The following TUSC3 variants were observed in gnomAD, a reference collection of about 807,000 sequenced individuals.
TUSC3 encodes tumor suppressor candidate 3, also known as dolichyl-diphosphooligosaccharide--protein glycosyltransferase subunit TUSC3.
Under a neutral mutation model 44.8 loss-of-function variants are expected in TUSC3, and 45 were observed. The observed-to-expected ratio is 1.00, with a 90% CI of 0.79 to 1.29. The LOEUF is 1.29. Among genes scored for constraint, TUSC3 ranks in the 50% most tolerant of loss-of-function variants. The probability of loss-of-function intolerance (pLI) is 0.00; values close to 1 mark genes in which losing one functional copy is unlikely to be tolerated. For synonymous variants in TUSC3, 212 were observed against 152.9 expected (o/e 1.39, Z -2.85); for missense variants, 519 against 437.9 (o/e 1.19, Z -1.65).
chr8:15,770,029 G>C (rs1464478824), downstream of TUSC3, among the ~76,000 whole-genome samples: 2 of 152,202 alleles, frequency 1.3e-5, no homozygotes, highest in Non-Finnish European at 2.9e-5. Context: ...TCTAGAATCA[G>C]AAATACCATT....
intron 1 of TUSC3, among the ~76,000 whole-genome samples, chr8:15,570,954 G>GTTTTTTTTTTTTGTTTT (rs1802851347): frequency 2.2e-5 from 1 of 44,494 alleles, no homozygotes; most frequent in Non-Finnish European, 5.2e-5. Context: ...TTGCCTATTA[G>GTTTTTTTTTTTTGTTTT]TTTTTTTTTT....
chr8:15,644,771 A>G (rs1308892271), intron 2 of TUSC3, among the ~76,000 whole-genome samples: 1 of 151,806 alleles, frequency 6.6e-6, no homozygotes, highest in Non-Finnish European at 1.5e-5. Context: ...TCATTTATTT[A>G]TTTTTAATGA....
the TUSC3 span, among the ~76,000 whole-genome samples, chr8:15,821,048 TTTC>T: frequency 6.6e-6 from 1 of 152,200 alleles, no homozygotes; most frequent in Admixed American, 6.5e-5. Flanking sequence ...ACTTGAAAAT[TTTC>T]TTTAGCATTT....
At chr8:15,768,704 C>T (rs1192372131), downstream of TUSC3, among the ~76,000 whole-genome samples, 4 of 152,126 alleles carry the variant, frequency 2.6e-5, no homozygotes, top group African/African-American at 4.8e-5. Flanking sequence ...ATCATCTCAG[C>T]CCCAAATCCC....
At chr8:15,662,571 G>C (rs1807472295) in intron 5 of TUSC3, among the ~76,000 whole-genome samples, 1 of 151,956 alleles carries the variant, frequency 6.6e-6, no homozygotes, top group Admixed American at 6.6e-5. Flanking sequence ...GGTAAGACTT[G>C]ATCAGAATTA....
chr8:15,650,220 CTA>C (rs1402980054), intron 2 of TUSC3, among the ~76,000 whole-genome samples: 2 of 152,246 alleles, frequency 1.3e-5, no homozygotes, highest in East Asian at 1.9e-4. Context: ...AATTTTAAAA[CTA>C]TTAATTTTGT....
the TUSC3 span, among the ~76,000 whole-genome samples, chr8:15,782,122 A>C: frequency 3.9e-5 from 6 of 152,052 alleles, no homozygotes; most frequent in African/African-American, 1.2e-4. Flanking sequence ...GCGACAGAGC[A>C]AGGCTCCATC....
intron 1 of TUSC3, among the ~76,000 whole-genome samples, chr8:15,615,152 C>G (rs1039046751): frequency 6.6e-6 from 1 of 152,116 alleles, no homozygotes; most frequent in African/African-American, 2.4e-5. Flanking sequence ...AAAGAGATAC[C>G]TGTCCTCTCA....
At chr8:15,731,214 A>G (rs1482266227) in intron 7 of TUSC3, among the ~76,000 whole-genome samples, 1 of 152,148 alleles carries the variant, frequency 6.6e-6, no homozygotes, top group Admixed American at 6.5e-5. Context: ...AGATCATACA[A>G]TGTAATTTAT....
intron 1 of TUSC3, among the ~76,000 whole-genome samples, chr8:15,591,143 G>T (rs1012869978): frequency 2.0e-5 from 3 of 151,998 alleles, no homozygotes; most frequent in Admixed American, 6.6e-5. Context: ...GGTTATTTCA[G>T]AAAAAATATT....
chr8:15,645,052 T>G (rs1362026876), intron 2 of TUSC3, among the ~76,000 whole-genome samples: 2 of 152,164 alleles, frequency 1.3e-5, no homozygotes, highest in Admixed American at 1.3e-4. Context: ...AATATTTTAA[T>G]AGTCTCATAT....
chr8:15,673,883 T>C (rs759146369), intron 6 of TUSC3, 47 bp downstream of exon 6: 10 of 1,464,242 alleles, frequency 6.8e-6, no homozygotes, highest in Non-Finnish European at 2.9e-6. Flanking sequence ...TAATCCAGCT[T>C]AATTTAGGAA....
At chr8:15,633,746 C>G (rs1050361199) in intron 2 of TUSC3, among the ~76,000 whole-genome samples, 2 of 152,180 alleles carry the variant, frequency 1.3e-5, no homozygotes, top group Non-Finnish European at 2.9e-5. Flanking sequence ...AGGAAAGATT[C>G]TCCCCTTCAG....
At chr8:15,782,265 G>C in the TUSC3 span, among the ~76,000 whole-genome samples, 3 of 152,206 alleles carry the variant, frequency 2.0e-5, no homozygotes, top group Non-Finnish European at 4.4e-5. Context: ...TTGAGGCTGG[G>C]AGTTCAAGAC....
At chr8:15,574,061 C>G (rs1431147571) in intron 1 of TUSC3, among the ~76,000 whole-genome samples, 1 of 151,972 alleles carries the variant, frequency 6.6e-6, no homozygotes, top group Non-Finnish European at 1.5e-5. Context: ...TGTTTGAATC[C>G]TTTATTGTCT....
intron 7 of TUSC3, among the ~76,000 whole-genome samples, chr8:15,738,827 C>CTTTTTTTTTTTCTTTCTTTTTT (rs1811050249): frequency 2.3e-5 from 2 of 87,172 alleles, no homozygotes; most frequent in African/African-American, 9.7e-5. Context: ...ATATATCTTG[C>CTTTTTTTTTTTCTTTCTTTTTT]TTTTTTTTTT....
At chr8:15,829,372 G>A in the TUSC3 span, among the ~76,000 whole-genome samples, 5 of 152,130 alleles carry the variant, frequency 3.3e-5, no homozygotes, top group African/African-American at 9.7e-5. Context: ...CTTGCAAAGT[G>A]GCTGAATGAC....
At chr8:15,603,637 C>T (rs1396303275) in intron 1 of TUSC3, among the ~76,000 whole-genome samples, 1 of 151,240 alleles carries the variant, frequency 6.6e-6, no homozygotes, top group Non-Finnish European at 1.5e-5. Flanking sequence ...AATTTTATAA[C>T]AAGAATTTAG....
chr8:15,795,060 C>T, the TUSC3 span, among the ~76,000 whole-genome samples: 1 of 152,078 alleles, frequency 6.6e-6, no homozygotes, highest in Non-Finnish European at 1.5e-5. Context: ...GGTTGGAACA[C>T]ATTCTTTCAA....
Sources: allele counts gnomAD v4.1 joint callset (sites outside exome capture counted in the v4.1 genomes callset), GRCh38; gene constraint gnomAD v4.1.1; transcripts MANE v1.5; gene names NCBI Gene and HGNC (gene_info 2026-07-23, HGNC 2026-07-21).